CNTN4: variants seen among roughly 807,000 people sequenced by gnomAD.
CNTN4 encodes contactin 4, also known as contactin-4.
Under a neutral mutation model 122.5 loss-of-function variants are expected in CNTN4, and 77 were observed. The observed-to-expected ratio is 0.63, with a 90% CI of 0.52 to 0.76. The LOEUF is 0.76. CNTN4 is among the 30% of genes least tolerant of loss of function. CNTN4 has a pLI of 0.00. For synonymous variants in CNTN4, 512 were observed against 447.0 expected (o/e 1.15, Z -1.83); for missense variants, 1,256 against 1,259.1 (o/e 1.00, Z 0.04).
chr3:2,381,844 A>G (rs1367297575), intron 3 of CNTN4, among the ~76,000 whole-genome samples: 6 of 152,170 alleles, frequency 3.9e-5, no homozygotes, highest in African/African-American at 1.4e-4. Flanking sequence ...ATATATTTTA[A>G]TATCTTAGCC....
intron 2 of CNTN4, among the ~76,000 whole-genome samples, chr3:2,311,474 C>G (rs1005608855): frequency 2.0e-5 from 3 of 152,086 alleles, no homozygotes; most frequent in African/African-American, 7.2e-5. Flanking sequence ...TTTCTTTCTA[C>G]TGAAGCTTTT....
chr3:2,533,403 G>A (rs969221715), intron 3 of CNTN4, among the ~76,000 whole-genome samples: 6 of 151,876 alleles, frequency 4.0e-5, no homozygotes, highest in African/African-American at 1.2e-4. Flanking sequence ...TTGTCCTTGC[G>A]ATAGTTTGCT....
intron 13 of CNTN4, among the ~76,000 whole-genome samples, chr3:2,972,494 A>G (rs565667121): frequency 6.6e-6 from 1 of 152,288 alleles, no homozygotes; most frequent in African/African-American, 2.4e-5. Flanking sequence ...AACCAATCTC[A>G]TTTTTAAACT....
intron 4 of CNTN4, among the ~76,000 whole-genome samples, chr3:2,731,318 G>A (rs1198361030): frequency 6.6e-6 from 1 of 152,056 alleles, no homozygotes; most frequent in Admixed American, 6.5e-5. Flanking sequence ...TTATGAAGAT[G>A]GGTTTATCCA....
At chr3:2,772,597 G>T (rs1309102047) in intron 6 of CNTN4, among the ~76,000 whole-genome samples, 1 of 152,108 alleles carries the variant, frequency 6.6e-6, no homozygotes, top group Non-Finnish European at 1.5e-5. Flanking sequence ...ATTCTTATGA[G>T]TGTGAAAAGT....
chr3:2,580,673 A>G (rs1189265847), intron 4 of CNTN4, among the ~76,000 whole-genome samples: 4 of 152,200 alleles, frequency 2.6e-5, no homozygotes, highest in African/African-American at 7.2e-5. Flanking sequence ...TTGTGAGTCT[A>G]TAAAGTATTT....
chr3:2,457,447 A>G (rs2151406453), intron 3 of CNTN4, among the ~76,000 whole-genome samples: 1 of 152,218 alleles, frequency 6.6e-6, no homozygotes, highest in South Asian at 2.1e-4. Context: ...AAATAAAGTC[A>G]CGGTATATAT....
At chr3:2,625,869 A>G (rs890022969) in intron 4 of CNTN4, among the ~76,000 whole-genome samples, 3 of 152,196 alleles carry the variant, frequency 2.0e-5, no homozygotes, top group Non-Finnish European at 4.4e-5. Context: ...TCACGAGATA[A>G]CACTAAATTG....
chr3:2,322,411 A>G (rs2043303746), intron 2 of CNTN4, among the ~76,000 whole-genome samples: 1 of 152,142 alleles, frequency 6.6e-6, no homozygotes, highest in South Asian at 2.1e-4. Context: ...CACCTTGAAA[A>G]CACTAACTGA....
At chr3:2,552,645 T>C (rs1378298283) in intron 3 of CNTN4, among the ~76,000 whole-genome samples, 1 of 152,198 alleles carries the variant, frequency 6.6e-6, no homozygotes, top group Admixed American at 6.5e-5. Context: ...TGTGGACATC[T>C]AGAAAAGTTA....
At chr3:2,636,924 G>GTTTTTTTTTTTTTTTGTTTTTTTT (rs57301957) in intron 4 of CNTN4, among the ~76,000 whole-genome samples, 1 of 98,576 alleles carries the variant, frequency 1.0e-5, no homozygotes. Flanking sequence ...TTCTTTCTTT[G>GTTTTTTTTTTTTTTTGTTTTTTTT]TTTTTTTTTT....
At chr3:2,526,256 T>A (rs1427136286) in intron 3 of CNTN4, among the ~76,000 whole-genome samples, 3 of 152,148 alleles carry the variant, frequency 2.0e-5, no homozygotes, top group Non-Finnish European at 4.4e-5. Context: ...GAGAATACTC[T>A]GTTTCAGAAG....
rs536935598 is a variant in CNTN4, at chr3:2,729,458, C to T, written c.56-6757C>T. Among the ~76,000 whole-genome samples, 177 of 146,438 alleles carry T rather than the reference C, an allele frequency of 1.2e-3. 1 individual carries two copies. Among genetic ancestry groups the T allele is most frequent in the Non-Finnish European group, 1.0e-3 (68 of 67,316 alleles). On this transcript the variant is annotated intron_variant, in intron 4 of 24. Coordinates refer to ENST00000418658, the MANE Select transcript of CNTN4 (RefSeq NM_175607.3). Reference sequence around the variant, plus strand: ...TACTCGGGAGGCTAAGCAGGAGAATCGCTCAAACCTGGGAGGTGGAGGTTG... The same window carrying T: ...TACTCGGGAGGCTAAGCAGGAGAATTGCTCAAACCTGGGAGGTGGAGGTTG...
chr3:2,588,225 G>A (rs2728060), intron 4 of CNTN4, among the ~76,000 whole-genome samples: 133,752 of 152,082 alleles, frequency 0.88, 59,953 homozygotes, highest in Non-Finnish European at 0.98. Context: ...TTCACCACAA[G>A]TATAAGACTG....
intron 4 of CNTN4, among the ~76,000 whole-genome samples, chr3:2,611,013 T>C (rs1315649259): frequency 1.3e-5 from 2 of 152,124 alleles, no homozygotes; most frequent in Admixed American, 6.6e-5. Context: ...ATACATCTTA[T>C]AACAATACTT....
At chr3:2,238,208 A>G (rs897560620) in intron 2 of CNTN4, among the ~76,000 whole-genome samples, 5 of 152,152 alleles carry the variant, frequency 3.3e-5, no homozygotes, top group Admixed American at 6.5e-5. Flanking sequence ...TATATGGTGA[A>G]GGAATAATAA....
At chr3:2,626,496 C>A (rs1437596363) in intron 4 of CNTN4, among the ~76,000 whole-genome samples, 4 of 143,958 alleles carry the variant, frequency 2.8e-5, no homozygotes, top group Non-Finnish European at 3.0e-5. Flanking sequence ...GACTCTATCT[C>A]AAAAAAAAAA....
chr3:2,846,670 T>C (rs1639817026), intron 7 of CNTN4, among the ~76,000 whole-genome samples: 1 of 152,216 alleles, frequency 6.6e-6, no homozygotes, highest in African/African-American at 2.4e-5. Flanking sequence ...CCTCTGTTCA[T>C]AGCTGTTGAG....
chr3:2,912,086 TC>T, intron 12 of CNTN4, among the ~76,000 whole-genome samples: 1 of 151,796 alleles, frequency 6.6e-6, no homozygotes, highest in East Asian at 1.9e-4. Flanking sequence ...TTTTAGAAGC[TC>T]AAGAACTGCA....
Sources: gnomAD v4.1 joint callset for allele counts (sites outside exome capture counted in the v4.1 genomes callset) on GRCh38, gnomAD v4.1.1 for gene constraint, MANE v1.5 for transcripts, NCBI Gene and HGNC (gene_info 2026-07-23, HGNC 2026-07-21) for gene names.